CADPS2: variants seen among roughly 807,000 people sequenced by gnomAD.
CADPS2 encodes the protein calcium-dependent secretion activator 2.
In CADPS2, 93 loss-of-function variants were observed where a neutral mutation model predicts 172.5. The ratio of observed to expected loss-of-function variants is 0.54; its 90% CI spans 0.46 to 0.64. CADPS2 has a LOEUF of 0.64. Among genes scored for constraint, CADPS2 ranks in the 30% least tolerant of loss-of-function variants. CADPS2 has a pLI of 0.00. For synonymous variants in CADPS2, 546 were observed against 555.2 expected, an observed-to-expected ratio of 0.98 and a Z score of 0.23; for missense variants, 1,420 against 1,565.9, an observed-to-expected ratio of 0.91 and a Z score of 1.57.
chr7:122,569,435 C>A (rs150889744), intron 7 of CADPS2, among the ~76,000 whole-genome samples: 2 of 150,920 alleles, frequency 1.3e-5, no homozygotes, highest in East Asian at 3.9e-4. Context: ...AGAATCAATA[C>A]CGTGAAAATG....
intron 2 of CADPS2, among the ~76,000 whole-genome samples, chr7:122,682,946 A>C (rs2083214168): frequency 1.3e-5 from 2 of 152,202 alleles, no homozygotes; most frequent in East Asian, 1.9e-4. Context: ...GCAATTGTAG[A>C]GACTGGAACA....
rs562109499 is a variant in CADPS2, at chr7:122,365,177, G to A, written c.3388-4164C>T. ...ACAAGTTAGTCCTAGGTGTGAACCTGTGGTCTGCTGCATTCATGTCTCAGC... is the reference window on the plus strand; with the variant it reads ...ACAAGTTAGTCCTAGGTGTGAACCTATGGTCTGCTGCATTCATGTCTCAGC... On this transcript the variant is annotated intron_variant, in intron 25 of 29. Transcript: ENST00000449022. Among the ~76,000 whole-genome samples the A allele has an allele frequency of 4.6e-5, 7 of 152,302 alleles. No individual in the cohort carries two copies. In the South Asian group the frequency reaches 1.5e-3, roughly 32 times the overall value.
chr7:122,425,344 T>C (rs1007427029), intron 17 of CADPS2, among the ~76,000 whole-genome samples: 2 of 149,394 alleles, frequency 1.3e-5, no homozygotes, highest in Middle Eastern at 3.5e-3. Context: ...TCCCTGCACA[T>C]TGGGAGGCTG....
At chr7:122,630,997 C>A (rs1219508470) in intron 3 of CADPS2, among the ~76,000 whole-genome samples, 1 of 151,962 alleles carries the variant, frequency 6.6e-6, no homozygotes, top group East Asian at 1.9e-4. Flanking sequence ...TTCACTGTGT[C>A]TAAAATCAAA....
At chr7:122,480,128 GC>G (rs755945428) in intron 12 of CADPS2, 5 of 471,050 alleles carry the variant, frequency 1.1e-5, no homozygotes, top group African/African-American at 1.0e-4. Flanking sequence ...TTGGTTACCA[GC>G]CTCTTCCCCA....
At chr7:122,647,159 A>G (rs1432239938) in intron 3 of CADPS2, among the ~76,000 whole-genome samples, 1 of 152,174 alleles carries the variant, frequency 6.6e-6, no homozygotes, top group Non-Finnish European at 1.5e-5. Context: ...AAAGGTGGAT[A>G]GCAGGGGGCA....
At chr7:122,387,244 A>C in intron 23 of CADPS2, 71 bp from the exon 24 acceptor site, 1 of 1,427,614 alleles carries the variant, frequency 7.0e-7, no homozygotes, top group Non-Finnish European at 9.6e-7. Flanking sequence ...AAAAAGTGAA[A>C]TCAACACTAC....
chr7:122,806,982 A>T (rs1399373525), intron 1 of CADPS2, among the ~76,000 whole-genome samples: 1 of 152,206 alleles, frequency 6.6e-6, no homozygotes, highest in Non-Finnish European at 1.5e-5. Context: ...CACTAGAAGT[A>T]AGCATTCCTC....
At chr7:122,475,086 A>G (rs1318537903) in intron 12 of CADPS2, among the ~76,000 whole-genome samples, 1 of 152,176 alleles carries the variant, frequency 6.6e-6, no homozygotes, top group East Asian at 1.9e-4. Context: ...TATGCAGACA[A>G]AGCTTAACGT....
chr7:122,347,286 A>C (rs1275470400), intron 27 of CADPS2, among the ~76,000 whole-genome samples: 2 of 151,008 alleles, frequency 1.3e-5, no homozygotes, highest in Non-Finnish European at 3.0e-5. Flanking sequence ...AGTTCTTGCC[A>C]TTTTTTTTTG....
At chr7:122,573,129 A>G (rs2067493523) in intron 7 of CADPS2, among the ~76,000 whole-genome samples, 1 of 152,264 alleles carries the variant, frequency 6.6e-6, no homozygotes, top group South Asian at 2.1e-4. Flanking sequence ...TATTTATACC[A>G]GTGCTTCTCA....
chr7:122,694,600 G>A (rs945174269), intron 2 of CADPS2, among the ~76,000 whole-genome samples: 3 of 152,018 alleles, frequency 2.0e-5, no homozygotes, highest in African/African-American at 7.3e-5. Context: ...AACAAATTGT[G>A]GTAGAATAAC....
chr7:122,437,808 GA>G (rs3069346), intron 17 of CADPS2, among the ~76,000 whole-genome samples: 6,639 of 135,944 alleles, frequency 0.049, 323 homozygotes, highest in African/African-American at 0.13. Flanking sequence ...CCTGAAGAAA[GA>G]AAAAAAAAAA....
intron 17 of CADPS2, among the ~76,000 whole-genome samples, chr7:122,418,044 C>T (rs769718881): frequency 1.3e-4 from 19 of 151,814 alleles, no homozygotes; most frequent in Admixed American, 7.9e-4. Context: ...GTGGTGGGCA[C>T]GTGTAATCTC....
At chr7:122,570,298 A>G (rs1251185756) in intron 7 of CADPS2, among the ~76,000 whole-genome samples, 2 of 152,332 alleles carry the variant, frequency 1.3e-5, no homozygotes, top group Non-Finnish European at 2.9e-5. Flanking sequence ...ATCGTCACTG[A>G]CCATCAGAGA....
chr7:122,539,168 C>A (rs1238661120), intron 8 of CADPS2, among the ~76,000 whole-genome samples: 1 of 152,016 alleles, frequency 6.6e-6, no homozygotes, highest in African/African-American at 2.4e-5. Context: ...CCTAATGCAA[C>A]AGTGTTGAGA....
chr7:122,388,982 A>G (rs1294456573), intron 22 of CADPS2, among the ~76,000 whole-genome samples: 1 of 152,212 alleles, frequency 6.6e-6, no homozygotes, highest in South Asian at 2.1e-4. Context: ...AAGAGGTAAA[A>G]TGGATATGTA....
At chr7:122,453,687 A>T (rs928233414) in intron 14 of CADPS2, among the ~76,000 whole-genome samples, 2 of 152,142 alleles carry the variant, frequency 1.3e-5, no homozygotes, top group Admixed American at 1.3e-4. Flanking sequence ...AATAGGAGTA[A>T]ACTTTTCTAT....
chr7:122,629,135 G>T (rs2076341053), intron 4 of CADPS2, 113 bp downstream of exon 4: 2 of 737,120 alleles, frequency 2.7e-6, no homozygotes, highest in Non-Finnish European at 4.3e-6. Context: ...AGGAGAAAAT[G>T]TTAAAATTAT....
Sources: allele counts gnomAD v4.1 joint callset (sites outside exome capture counted in the v4.1 genomes callset), GRCh38; gene constraint gnomAD v4.1.1; transcripts MANE v1.5; gene names NCBI Gene and HGNC (gene_info 2026-07-23, HGNC 2026-07-21).